Variants in SLC5A6 observed in about 807,000 individuals in gnomAD.
SLC5A6 encodes solute carrier family 5 member 6, also known as sodium-dependent multivitamin transporter.
Under a neutral mutation model 67.9 loss-of-function variants are expected in SLC5A6, and 31 were observed. The ratio of observed to expected loss-of-function variants is 0.46; its 90% CI spans 0.34 to 0.62. The LOEUF is 0.62. Among genes scored for constraint, SLC5A6 ranks in the 20% least tolerant of loss-of-function variants. SLC5A6 has a pLI of 0.01. For missense variants in SLC5A6, 673 were observed against 812.8 expected (o/e 0.83, Z 2.09); for synonymous variants, 343 against 331.0 (o/e 1.04, Z -0.39).
upstream of SLC5A6, chr2:27,212,710 A>G (rs780518356): frequency 1.0e-4 from 126 of 1,258,658 alleles, no homozygotes; most frequent in Non-Finnish European, 1.2e-4. Flanking sequence ...TTTTAGAATA[A>G]CTTTAAGTTC....
At chr2:27,212,479 A>T, upstream of SLC5A6, 4 of 1,558,438 alleles carry the variant, frequency 2.6e-6, no homozygotes, top group Non-Finnish European at 3.5e-6. Flanking sequence ...TACAGAAGCA[A>T]GTTTGAGGTC....
At chr2:27,209,661 C>T (rs1409422568) in intron 2 of SLC5A6, among the ~76,000 whole-genome samples, 1 of 152,198 alleles carries the variant, frequency 6.6e-6, no homozygotes, top group Non-Finnish European at 1.5e-5. Context: ...TAGATTTCAA[C>T]TAATCAAGAG....
upstream of SLC5A6, chr2:27,212,340 C>G (rs1480009903): frequency 3.2e-6 from 5 of 1,549,454 alleles, no homozygotes; most frequent in Non-Finnish European, 4.4e-6. Context: ...CCGGGTCGCG[C>G]GAGCAGCGGA....
At chr2:27,203,661 A>T in intron 10 of SLC5A6, 118 bp downstream of exon 10, 2 of 761,536 alleles carry the variant, frequency 2.6e-6, no homozygotes, top group Non-Finnish European at 4.6e-6. Flanking sequence ...CAGATGGGGC[A>T]GGCACAGTGA....
chr2:27,203,698 T>C (rs1673823356), intron 10 of SLC5A6, 81 bp downstream of exon 10: 1 of 1,055,214 alleles, frequency 9.5e-7, no homozygotes, highest in Non-Finnish European at 1.5e-6. Flanking sequence ...CCCCACCCAC[T>C]ATCACCCCGC....
At chr2:27,212,313 G>C (rs1239350593), upstream of SLC5A6, 1 of 1,549,512 alleles carries the variant, frequency 6.5e-7, no homozygotes, top group Middle Eastern at 1.7e-4. Context: ...GACGCGCTGC[G>C]GGGCGGGGCC....
In SLC5A6 at chr2:27,201,047, A is replaced by C; in HGVS notation, c.1715T>G (p.Leu572Arg). The change falls in exon 16 of 17, where the codon CTC becomes CGC. Residue 572 changes from leucine to arginine, a missense_variant. Leu to Arg is a moderately radical substitution (Grantham distance 102). Coordinates refer to ENST00000310574, the MANE Select transcript of SLC5A6 (RefSeq NM_021095.4). ...CCGCTTCTGACAGGACAACGGAAGG[A>C]GGGACAGGAGCTTTGGCAACACTGG... is the stretch of plus-strand genomic sequence containing the variant. ...IYPVLPKLLSLLPLSCQKRLH... is the reference protein window; with the variant it reads ...IYPVLPKLLSRLPLSCQKRLH... The C allele has an allele frequency of 2.5e-6, 4 of 1,613,892 alleles. No individual in the cohort carries two copies. The highest frequency in any genetic ancestry group is 2.5e-6 in the Non-Finnish European group (3 of 1,179,912).
Position 27,206,732 on chromosome 2 carries a change from T to TAAC in SLC5A6, c.459+144_459+145insGTT, listed in dbSNP as rs1674094889. 3 of 868,704 alleles carry TAAC rather than the reference T, an allele frequency of 3.5e-6. No individual in the cohort carries two copies. In the African/African-American group the frequency reaches 4.9e-5, roughly 14 times the overall value. The allele number at this position is 868,704 out of a possible 1,614,324, so 53.8% of individuals were successfully genotyped here. A position where few individuals can be genotyped will look rare whatever the true frequency, so the allele number is the denominator to read the frequency against. On this transcript the variant is annotated intron_variant, in intron 4 of 16. Transcript: ENST00000310574. ...TGGAAGGCATGGGCAGCAGGATGCC[T>TAAC]CTGGGGTCCTCACAGATGCTAACCT...
At chr2:27,211,880 C>T (rs1377158158) in intron 1 of SLC5A6, 140 bp downstream of exon 1, 2 of 280,500 alleles carry the variant, frequency 7.1e-6, no homozygotes, top group Non-Finnish European at 6.5e-6. Context: ...TCGGCACCGG[C>T]TCACGCTCTC....
chr2:27,206,990 C>T, intron 3 of SLC5A6, 48 bp from the exon 4 acceptor site: 1 of 1,468,040 alleles, frequency 6.8e-7, no homozygotes, highest in African/African-American at 1.4e-5. Context: ...ACCCCGACAA[C>T]TCACAGACAA....
At chr2:27,210,775 GC>G (rs1399952984) in intron 2 of SLC5A6, among the ~76,000 whole-genome samples, 1 of 152,010 alleles carries the variant, frequency 6.6e-6, no homozygotes, top group Non-Finnish European at 1.5e-5. Flanking sequence ...TGTAATCCCA[GC>G]ACTTTGGGAG....
In SLC5A6 at chr2:27,207,506, G is replaced by A. The variant is rs771224235; in HGVS notation, c.145C>T (p.Arg49Cys). 17 of 1,614,056 alleles carry A rather than the reference G, an allele frequency of 1.1e-5. No homozygotes were observed. The highest frequency in any genetic ancestry group is 2.2e-5 in the South Asian group (2 of 91,092). Reference sequence around the variant, plus strand: ...CCAACAGTATGCCGGCCCCAGCCACGACAAGCATGGTAGAGCCCAATGGCA... The same window carrying A: ...CCAACAGTATGCCGGCCCCAGCCACAACAAGCATGGTAGAGCCCAATGGCA... ...SLAIGLYHAC[R>C]GWGRHTVGEL... The change falls in exon 3 of 17, where the codon CGT becomes TGT. Residue 49 changes from arginine to cysteine, a missense_variant. Arg to Cys is a radical substitution (Grantham distance 180). Transcript: ENST00000310574. The surrounding 1 kb of genome is among the most constrained non-coding windows in gnomAD (Gnocchi z 5.5).
chr2:27,205,946 T>C, intron 6 of SLC5A6, 80 bp downstream of exon 6: 8 of 1,058,464 alleles, frequency 7.6e-6, no homozygotes, highest in Non-Finnish European at 1.2e-5. Context: ...TCTCAGCTTA[T>C]CTCTTCTTTT....
At chr2:27,203,664 C>G in intron 10 of SLC5A6, 115 bp downstream of exon 10, 1 of 779,898 alleles carries the variant, frequency 1.3e-6, no homozygotes, top group South Asian at 1.6e-5. Flanking sequence ...ATGGGGCAGG[C>G]ACAGTGAGAA....
In SLC5A6 at chr2:27,211,945, C is replaced by G. The variant is rs1208180962; in HGVS notation, c.-208+75G>C. On this transcript the variant is annotated intron_variant, in intron 1 of 16. Transcript: ENST00000310574. The stretch of plus-strand genomic sequence containing the variant: ...GGTAGCCAGAGCCCGGCCGAGAGCC[C>G]TGGCCGGGAGCCCGCGGGGGCCCCG... 3 of 472,306 alleles carry G rather than the reference C, an allele frequency of 6.4e-6. No homozygotes were observed. In the South Asian group the frequency reaches 8.9e-5, roughly 14 times the overall value. The allele number at this position is 472,306 out of a possible 1,614,324, so 29.3% of individuals were successfully genotyped here.
chr2:27,202,961 C>A, intron 11 of SLC5A6, 81 bp from the exon 12 acceptor site: 1 of 1,578,110 alleles, frequency 6.3e-7, no homozygotes, highest in Non-Finnish European at 8.6e-7. Flanking sequence ...CCCTGCCCAG[C>A]CAAACTACCA....
rs1444900513 is a variant in SLC5A6, at chr2:27,206,415, T to A, written c.511+68A>T. 5.5e-6 allele frequency: 8 copies of A among 1,442,152 alleles called. No homozygotes were observed. The South Asian group carries it at 8.0e-5, about 14-fold the overall frequency. The allele number at this position is 1,442,152 out of a possible 1,614,324, so 89.3% of individuals were successfully genotyped here. On this transcript the variant is annotated intron_variant, in intron 5 of 16. Transcript: ENST00000310574. ...GTTCTTTTCCACATACGCTCCTCCATCTGCCTCTCCCAAAGGTGCTTTCCT... is the reference window on the plus strand; with the variant it reads ...GTTCTTTTCCACATACGCTCCTCCAACTGCCTCTCCCAAAGGTGCTTTCCT...
Position 27,207,215 on chromosome 2 carries a change from C to A in SLC5A6, c.393+43G>T. ...TATGTGCCTGTCCCTCCTCTCCACCCCAACCCGTGTCCCACGCACTTCTCC... is the reference window on the plus strand; with the variant it reads ...TATGTGCCTGTCCCTCCTCTCCACCACAACCCGTGTCCCACGCACTTCTCC... On this transcript the variant is annotated intron_variant, in intron 3 of 16. Coordinates refer to ENST00000310574, the MANE Select transcript of SLC5A6 (RefSeq NM_021095.4). The surrounding 1 kb of genome is among the most constrained non-coding windows in gnomAD (Gnocchi z 5.5). 1.3e-6 allele frequency: 2 copies of A among 1,599,006 alleles called. No individual in the cohort carries two copies. Among genetic ancestry groups the A allele is most frequent in the Middle Eastern group, 1.7e-4 (1 of 5,900 alleles).
At chr2:27,203,956 C>G in intron 9 of SLC5A6, 89 bp from the exon 10 acceptor site, 4 of 934,788 alleles carry the variant, frequency 4.3e-6, no homozygotes, top group Non-Finnish European at 6.8e-6. Flanking sequence ...ACATGTGCCC[C>G]AGCGAGTCTA....
Sources: allele counts gnomAD v4.1 joint callset (sites outside exome capture counted in the v4.1 genomes callset), GRCh38; gene constraint gnomAD v4.1.1; non-coding constraint Gnocchi (gnomAD v3.1); transcripts MANE v1.5; gene names NCBI Gene and HGNC (gene_info 2026-07-23, HGNC 2026-07-21).